The following EPDR1 variants were observed in gnomAD, a reference collection of about 807,000 sequenced individuals.
EPDR1 encodes the protein mammalian ependymin-related protein 1.
EPDR1 carries 27 observed loss-of-function variants against 23.7 expected under a neutral mutation model. The observed-to-expected ratio is 1.14, with a 90% CI of 0.84 to 1.57. The LOEUF (loss-of-function observed/expected upper bound fraction) is 1.57, where lower values mean the gene tolerates loss of function less well. Ranked by LOEUF, EPDR1 falls within the 40% of genes most tolerant of loss-of-function variation. The pLI is 0.00. For synonymous variants in EPDR1, 137 were observed against 118.2 expected, an observed-to-expected ratio of 1.16 and a Z score of -1.03; for missense variants, 349 against 290.4, an observed-to-expected ratio of 1.20 and a Z score of -1.47.
At chr7:37,923,711 A>G (rs1227083756) in intron 1 of EPDR1, among the ~76,000 whole-genome samples, 1 of 152,136 alleles carries the variant, frequency 6.6e-6, no homozygotes, top group Non-Finnish European at 1.5e-5. Flanking sequence ...CTTTAGAGTC[A>G]GACAAATCTG....
At chr7:37,940,398 A>C (rs982096748) in intron 1 of EPDR1, among the ~76,000 whole-genome samples, 1 of 152,204 alleles carries the variant, frequency 6.6e-6, no homozygotes, top group Admixed American at 6.5e-5. Context: ...TATTTAAATA[A>C]TAAAATCAGA....
chr7:37,938,134 G>T (rs889079329), intron 1 of EPDR1, among the ~76,000 whole-genome samples: 1 of 151,636 alleles, frequency 6.6e-6, no homozygotes, highest in Non-Finnish European at 1.5e-5. Flanking sequence ...GGGACTACAG[G>T]TGTCAGCCAC....
Position 37,950,498 on chromosome 7 carries a change from A to C in EPDR1, c.*102A>C. 9.0e-7 allele frequency: 1 copy of C among 1,108,428 alleles called. No homozygotes were observed. Among genetic ancestry groups the C allele is most frequent in the Non-Finnish European group, 1.3e-6 (1 of 791,026 alleles). The allele number at this position is 1,108,428 out of a possible 1,614,324, so 68.7% of individuals were successfully genotyped here. A position where few individuals can be genotyped will look rare whatever the true frequency, so the allele number is the denominator to read the frequency against. On this transcript the variant is annotated 3_prime_UTR_variant, in exon 3 of 3. Transcript: ENST00000199448. Reference sequence around the variant, plus strand: ...AAGATGTGAATGCTAATTGGAGAGAAATATAATTTTAGGAAGATGCACATT... The same window carrying C: ...AAGATGTGAATGCTAATTGGAGAGACATATAATTTTAGGAAGATGCACATT...
At chr7:37,942,150 T>C (rs1332771596) in intron 1 of EPDR1, among the ~76,000 whole-genome samples, 2 of 152,144 alleles carry the variant, frequency 1.3e-5, no homozygotes, top group Non-Finnish European at 2.9e-5. Flanking sequence ...GAAAAATCAA[T>C]CCAATGTTTG....
At chr7:37,939,611 G>C (rs760843727) in intron 1 of EPDR1, among the ~76,000 whole-genome samples, 3 of 152,056 alleles carry the variant, frequency 2.0e-5, no homozygotes, top group Non-Finnish European at 4.4e-5. Context: ...AACAAGTTTT[G>C]TGAGTTTGTT....
intron 1 of EPDR1, among the ~76,000 whole-genome samples, chr7:37,922,686 A>G (rs926062166): frequency 4.0e-5 from 6 of 151,172 alleles, no homozygotes; most frequent in African/African-American, 1.5e-4. Context: ...TCTGACGCCT[A>G]TGGTATACCA....
At chr7:37,923,569 G>T (rs772842799) in intron 1 of EPDR1, among the ~76,000 whole-genome samples, 12 of 152,140 alleles carry the variant, frequency 7.9e-5, no homozygotes, top group Non-Finnish European at 1.5e-4. Flanking sequence ...GCGCATTGAT[G>T]AATAGTCATA....
chr7:37,950,465 G>A lies in EPDR1; in HGVS notation c.*69G>A. 1 of 1,349,358 alleles carries A rather than the reference G, an allele frequency of 7.4e-7. No individual in the cohort carries two copies. Among genetic ancestry groups the A allele is most frequent in the Non-Finnish European group, 1.0e-6 (1 of 989,836 alleles). The allele number at this position is 1,349,358 out of a possible 1,614,324, so 83.6% of individuals were successfully genotyped here. On this transcript the variant is annotated 3_prime_UTR_variant, in exon 3 of 3. Transcript: ENST00000199448. ...CGGCCCCAGCTGGAGATGGATATGA[G>A]ACTAGTCAAGATGTGAATGCTAATT...
intron 1 of EPDR1, among the ~76,000 whole-genome samples, chr7:37,931,402 T>A (rs1785935286): frequency 6.6e-6 from 1 of 151,932 alleles, no homozygotes; most frequent in Non-Finnish European, 1.5e-5. Flanking sequence ...TAATCCCAGC[T>A]ACCCAGGAGG....
At position 37,948,718 on chromosome 7, in the gene EPDR1, T is replaced by C. The variant is rs1217886982; in HGVS notation, c.270-122T>C. Reference sequence around the variant, plus strand: ...CCTAGTGTTTATAAACGTTAAGTGATTGCCTAGCTAGTAATTTCTTTCTAT... The same window carrying C: ...CCTAGTGTTTATAAACGTTAAGTGACTGCCTAGCTAGTAATTTCTTTCTAT... On this transcript the variant is annotated intron_variant, in intron 1 of 2. Coordinates refer to ENST00000199448, the MANE Select transcript of EPDR1 (RefSeq NM_017549.5). 7 of 711,238 alleles carry C rather than the reference T, an allele frequency of 9.8e-6. No homozygotes were observed. In the African/African-American group the frequency reaches 1.1e-4, roughly 11 times the overall value. The allele number at this position is 711,238 out of a possible 1,614,324, so 44.1% of individuals were successfully genotyped here.
chr7:37,943,107 C>T (rs868285864), intron 1 of EPDR1, among the ~76,000 whole-genome samples: 40 of 152,184 alleles, frequency 2.6e-4, no homozygotes, highest in African/African-American at 9.7e-4. Flanking sequence ...ACTCGCCTGC[C>T]CCTCCCAGTG....
At chr7:37,926,790 T>G (rs145561351) in intron 1 of EPDR1, 3 of 424,320 alleles carry the variant, frequency 7.1e-6, no homozygotes, top group African/African-American at 4.1e-5. Context: ...AAATGATACA[T>G]TTTTTCTTTT....
chr7:37,944,398 A>T (rs1786231755), intron 1 of EPDR1, among the ~76,000 whole-genome samples: 1 of 152,200 alleles, frequency 6.6e-6, no homozygotes, highest in African/African-American at 2.4e-5. Flanking sequence ...GGTCTAGTAA[A>T]CTCTGGTGAG....
At position 37,920,972 on chromosome 7, in the gene EPDR1, G is replaced by T. The variant is rs767514801; in HGVS notation, c.33G>T (p.Pro11=). 1 of 1,562,458 alleles carries T rather than the reference G, an allele frequency of 6.4e-7. No individual in the cohort carries two copies. Among genetic ancestry groups the T allele is most frequent in the Admixed American group, 1.9e-5 (1 of 53,018 alleles). Residue 11 remains proline, a synonymous_variant, in exon 1 of 3, where the codon CCG becomes CCT. Transcript: ENST00000199448. The part of the protein sequence containing the change: MPGRAPLRTV[P]GALGAWLLGG... ...GACGCGCTCCCCTCCGCACCGTCCC[G>T]GGCGCCCTGGGTGCCTGGCTGCTGG...
At chr7:37,943,474 A>G (rs1401024089) in intron 1 of EPDR1, among the ~76,000 whole-genome samples, 1 of 152,220 alleles carries the variant, frequency 6.6e-6, no homozygotes, top group Non-Finnish European at 1.5e-5. Flanking sequence ...TGTGATGCAG[A>G]GACTTATGTC....
At chr7:37,942,959 A>T (rs1477795817) in intron 1 of EPDR1, among the ~76,000 whole-genome samples, 1 of 152,230 alleles carries the variant, frequency 6.6e-6, no homozygotes, top group African/African-American at 2.4e-5. Flanking sequence ...CCATATGGTG[A>T]GAAGCAAAAC....
At position 37,921,023 on chromosome 7, in the gene EPDR1, C is replaced by T. The variant is rs777288095; in HGVS notation, c.84C>T (p.Cys28=). ...GCGGCCTCTGGGCCTGGACCCTGTG[C>T]GGCCTGTGCAGCCTGGGGGCGGTGG... is the stretch of plus-strand genomic sequence containing the variant. ...LLGGLWAWTL[C]GLCSLGAVGA... The change falls in exon 1 of 3, where the codon TGC becomes TGT. Residue 28 remains cysteine (C), a synonymous_variant. Coordinates refer to ENST00000199448, the MANE Select transcript of EPDR1 (RefSeq NM_017549.5). 4.6e-6 allele frequency: 7 copies of T among 1,522,448 alleles called. No homozygotes were observed. In the South Asian group the frequency reaches 6.3e-5, roughly 14 times the overall value. The allele number at this position is 1,522,448 out of a possible 1,614,324, so 94.3% of individuals were successfully genotyped here.
Position 37,927,500 on chromosome 7 carries a change from G to A in EPDR1, c.269+6292G>A, listed in dbSNP as rs545067800. On this transcript the variant is annotated intron_variant, in intron 1 of 2. Transcript: ENST00000199448. ...TGTCTCCTTCACACATGGGCTCTGC[G>A]CTCCAGGCCAGCCCATGTAGAAGCC... Among the ~76,000 whole-genome samples, 8 of 152,228 alleles carry A rather than the reference G, an allele frequency of 5.3e-5. No homozygotes were observed. In the East Asian group the frequency reaches 1.2e-3, roughly 22 times the overall value.
intron 1 of EPDR1, among the ~76,000 whole-genome samples, chr7:37,931,264 A>G (rs1785932092): frequency 6.6e-6 from 1 of 152,204 alleles, no homozygotes; most frequent in African/African-American, 2.4e-5. Flanking sequence ...TTGTAATCCC[A>G]GCACTTTGGG....
Sources: allele counts gnomAD v4.1 joint callset (sites outside exome capture counted in the v4.1 genomes callset), GRCh38; gene constraint gnomAD v4.1.1; transcripts MANE v1.5; gene names NCBI Gene and HGNC (gene_info 2026-07-23, HGNC 2026-07-21).